Variants in ARK2N observed in about 807,000 individuals in gnomAD.
The protein encoded by ARK2N is protein ARK2N.
the ARK2N span, chr18:46,173,615 T>C: frequency 1.3e-5 from 2 of 152,218 alleles, no homozygotes; most frequent in Non-Finnish European, 2.9e-5. Flanking sequence ...GCTATCGGCA[T>C]CCGCGAAAAA....
chr18:46,243,445 A>G, the ARK2N span, among the ~76,000 whole-genome samples: 1 of 152,284 alleles, frequency 6.6e-6, no homozygotes, highest in South Asian at 2.1e-4. Flanking sequence ...GCCCCATCCC[A>G]TTTAGGATCA....
At chr18:46,258,402 A>C in the ARK2N span, among the ~76,000 whole-genome samples, 2 of 152,326 alleles carry the variant, frequency 1.3e-5, no homozygotes, top group Non-Finnish European at 2.9e-5. Flanking sequence ...TTGTTTTCTT[A>C]GAATGGTAAG....
the ARK2N span, among the ~76,000 whole-genome samples, chr18:46,244,021 G>T: frequency 2.0e-5 from 3 of 152,232 alleles, no homozygotes; most frequent in African/African-American, 7.2e-5. Flanking sequence ...CTTAAATTTT[G>T]CCAGAGCGTA....
the ARK2N span, chr18:46,262,887 T>G: frequency 6.3e-7 from 1 of 1,584,506 alleles, no homozygotes; most frequent in Non-Finnish European, 8.7e-7. Context: ...GTTTTTCCTG[T>G]GGTGGAATTA....
At chr18:46,240,661 G>T in the ARK2N span, among the ~76,000 whole-genome samples, 43 of 152,216 alleles carry the variant, frequency 2.8e-4, no homozygotes, top group Non-Finnish European at 3.7e-4. Flanking sequence ...TTAATTCCTC[G>T]TCAGTAAGTT....
At chr18:46,192,331 TG>T in the ARK2N span, among the ~76,000 whole-genome samples, 3 of 151,856 alleles carry the variant, frequency 2.0e-5, no homozygotes, top group African/African-American at 7.3e-5. Flanking sequence ...CCCAGCAATA[TG>T]GGAGGCTAAG....
At chr18:46,229,224 G>GAA in the ARK2N span, among the ~76,000 whole-genome samples, 4 of 144,852 alleles carry the variant, frequency 2.8e-5, no homozygotes, top group Non-Finnish European at 3.1e-5. Flanking sequence ...GTGTTGTTTT[G>GAA]AAAAAAAAAA....
the ARK2N span, among the ~76,000 whole-genome samples, chr18:46,259,900 C>T: frequency 0.68 from 66,980 of 98,184 alleles, 25,053 homozygotes; most frequent in Middle Eastern, 0.74. Flanking sequence ...TGTGTGTGTG[C>T]GACAGAGATG....
the ARK2N span, among the ~76,000 whole-genome samples, chr18:46,183,876 T>G: frequency 1.3e-5 from 2 of 151,992 alleles, no homozygotes; most frequent in Non-Finnish European, 2.9e-5. Context: ...CAGGCTGGAG[T>G]GCAGTGGCGC....
At chr18:46,223,338 A>G in the ARK2N span, among the ~76,000 whole-genome samples, 1 of 152,164 alleles carries the variant, frequency 6.6e-6, no homozygotes, top group Non-Finnish European at 1.5e-5. Flanking sequence ...AGCATAGGGG[A>G]TGGAGTAATC....
At chr18:46,223,296 G>T in the ARK2N span, among the ~76,000 whole-genome samples, 1 of 152,038 alleles carries the variant, frequency 6.6e-6, no homozygotes, top group Non-Finnish European at 1.5e-5. Context: ...GGGAGTTTTC[G>T]TATAAACAAA....
chr18:46,256,611 A>G, the ARK2N span, among the ~76,000 whole-genome samples: 15 of 152,230 alleles, frequency 9.9e-5, no homozygotes, highest in Non-Finnish European at 1.3e-4. Flanking sequence ...GCTCTGAAGC[A>G]TAAAGCTGTG....
At chr18:46,254,909 A>T in the ARK2N span, among the ~76,000 whole-genome samples, 2 of 66,168 alleles carry the variant, frequency 3.0e-5, no homozygotes. Context: ...ACACCCACCC[A>T]CCCCCCAAAA....
chr18:46,215,689 T>A, the ARK2N span: 1 of 485,474 alleles, frequency 2.1e-6, no homozygotes. Context: ...GATAATAATA[T>A]ATATATATTT....
the ARK2N span, among the ~76,000 whole-genome samples, chr18:46,214,573 A>G: frequency 1.3e-5 from 2 of 152,238 alleles, no homozygotes; most frequent in African/African-American, 4.8e-5. Context: ...CCTGTTGACA[A>G]TGTTAAGTAA....
chr18:46,182,683 C>CTTTTTTTTTT, the ARK2N span, among the ~76,000 whole-genome samples: 1 of 87,808 alleles, frequency 1.1e-5, no homozygotes, highest in Non-Finnish European at 2.2e-5. Flanking sequence ...AGCCACAGTG[C>CTTTTTTTTTT]TTTTTTTTTT....
the ARK2N span, chr18:46,263,073 T>G: frequency 1.2e-6 from 2 of 1,614,142 alleles, no homozygotes; most frequent in Non-Finnish European, 1.7e-6. Flanking sequence ...CAGAAGTTGT[T>G]GACCTTACCT....
chr18:46,200,722 T>C, the ARK2N span, among the ~76,000 whole-genome samples: 2 of 152,166 alleles, frequency 1.3e-5, no homozygotes, highest in Non-Finnish European at 2.9e-5. Flanking sequence ...AAGCATTGCA[T>C]TGGAACTCTG....
At chr18:46,189,438 C>T in the ARK2N span, among the ~76,000 whole-genome samples, 1 of 151,980 alleles carries the variant, frequency 6.6e-6, no homozygotes, top group Non-Finnish European at 1.5e-5. Flanking sequence ...TTAAAGGAGT[C>T]TGTATTAAAA....
Sources: gnomAD v4.1 joint callset for allele counts (sites outside exome capture counted in the v4.1 genomes callset) on GRCh38, gnomAD v4.1.1 for gene constraint, MANE v1.5 for transcripts, NCBI Gene and HGNC (gene_info 2026-07-23, HGNC 2026-07-21) for gene names.